KLHL30: variants seen among roughly 807,000 people sequenced by gnomAD.
KLHL30 encodes kelch-like protein 30.
KLHL30 carries 55 observed loss-of-function variants against 55.0 expected under a neutral mutation model. The observed-to-expected ratio is 1.00, with a 90% CI of 0.80 to 1.25. KLHL30 has a LOEUF of 1.25. KLHL30 is among the 50% of genes most tolerant of loss of function. The pLI is 0.00. For missense variants in KLHL30, 786 were observed against 811.6 expected, an observed-to-expected ratio of 0.97 and a Z score of 0.38; for synonymous variants, 356 against 372.6, an observed-to-expected ratio of 0.96 and a Z score of 0.51.
chr2:238,147,309 A>C lies in KLHL30; in HGVS notation c.1151-525A>C, dbSNP rs555817151. 2.6e-5 allele frequency among the ~76,000 whole-genome samples: 4 copies of C among 152,094 alleles called. No homozygotes were observed. In the South Asian group the frequency reaches 8.3e-4, roughly 32 times the overall value. ...CCCAACCAGAGAGCAGAAAGCACCC[A>C]GGGCTCCCGAGCCCAGGGCTTGTGA... On this transcript the variant is annotated intron_variant, in intron 5 of 7. Transcript: ENST00000409223. This position sits in a 1 kb window ranked among gnomAD's most constrained non-coding sequence, Gnocchi z 5.8.
rs191896468 is a variant in KLHL30, at chr2:238,143,864, G to A, written c.907+933G>A. ...ACAGAGCCATGAGTCATGGGGACAC[G>A]GTGCCTGCCCACAGTGCCAGGCTCT... is the stretch of plus-strand genomic sequence containing the variant. On this transcript the variant is annotated intron_variant, in intron 3 of 7. Coordinates refer to ENST00000409223, the MANE Select transcript of KLHL30 (RefSeq NM_198582.4). Among the ~76,000 whole-genome samples the A allele has an allele frequency of 3.5e-3, 533 of 152,336 alleles. 7 individuals are homozygous for A. Among genetic ancestry groups the A allele is most frequent in the Middle Eastern group, 0.01 (3 of 294 alleles).
chr2:238,141,501 G>A lies in KLHL30; in HGVS notation c.747G>A (p.Arg249=), dbSNP rs73102336. ...EPLIQESEAC[R]AALSQGHDGA... is the part of the protein sequence containing the mutation. Reference sequence around the variant, plus strand: ...TGATCCAGGAGTCAGAGGCATGCCGGGCAGCCCTGTCCCAGGGCCATGATG... The same window carrying A: ...TGATCCAGGAGTCAGAGGCATGCCGAGCAGCCCTGTCCCAGGGCCATGATG... The change falls in exon 2 of 8, where the codon CGG becomes CGA. Residue 249 remains arginine, a synonymous_variant. Coordinates refer to ENST00000409223, the MANE Select transcript of KLHL30 (RefSeq NM_198582.4). 0.089 allele frequency: 130,367 copies of A among 1,469,524 alleles called. 6,270 individuals carry two copies. Among genetic ancestry groups the A allele is most frequent in the South Asian group, 0.13 (9,513 of 72,444 alleles). 91.0% of individuals were successfully genotyped at this position (1,469,524 alleles called of 1,614,324 possible). A position where few individuals can be genotyped will look rare whatever the true frequency, so the allele number is the denominator to read the frequency against.
At chr2:238,140,523 TG>T (rs1309547936) in intron 1 of KLHL30, among the ~76,000 whole-genome samples, 161 bp from the exon 2 acceptor site, 1 of 152,090 alleles carries the variant, frequency 6.6e-6, no homozygotes, top group Non-Finnish European at 1.5e-5. Context: ...TGCAGGGTTC[TG>T]GGGGTGGCTT....
Position 238,151,767 on chromosome 2 carries a change from G to A in KLHL30, c.*702G>A, listed in dbSNP as rs11884915. The stretch of plus-strand genomic sequence containing the variant: ...GCACCAGGAAGGAGGGAGGCAGGGC[G>A]TGGGGCGGGGCTGGAGGGTCCCAGG... On this transcript the variant is annotated 3_prime_UTR_variant, in exon 8 of 8. Coordinates refer to ENST00000409223, the MANE Select transcript of KLHL30 (RefSeq NM_198582.4). 695 of 503,974 alleles carry A rather than the reference G, an allele frequency of 1.4e-3. 4 individuals carry two copies. Among genetic ancestry groups the A allele is most frequent in the African/African-American group, 0.014 (654 of 47,926 alleles). The allele number at this position is 503,974 out of a possible 1,614,324, so 31.2% of individuals were successfully genotyped here. A position where few individuals can be genotyped will look rare whatever the true frequency, so the allele number is the denominator to read the frequency against.
At chr2:238,148,052 G>A in intron 6 of KLHL30, 30 bp downstream of exon 6, 4 of 1,366,712 alleles carry the variant, frequency 2.9e-6, no homozygotes, top group Non-Finnish European at 3.8e-6. Flanking sequence ...CGAGGATAGA[G>A]GACCACAGGC....
In KLHL30 at chr2:238,151,727, G is replaced by A. The variant is rs998695389; in HGVS notation, c.*662G>A. ...CCCACCCATCTCTTGCACCCAGAGG[G>A]CGGTGCCCACAGAGGCACCAGGAAG... On this transcript the variant is annotated 3_prime_UTR_variant, in exon 8 of 8. Transcript: ENST00000409223. 3.7e-5 allele frequency: 8 copies of A among 218,174 alleles called. No individual in the cohort carries two copies. Among genetic ancestry groups the A allele is most frequent in the Non-Finnish European group, 4.7e-5 (6 of 128,250 alleles). 13.5% of individuals were successfully genotyped at this position (218,174 alleles called of 1,614,324 possible). A position where few individuals can be genotyped will look rare whatever the true frequency, so the allele number is the denominator to read the frequency against.
At chr2:238,141,691 A>G (rs763230856) in intron 2 of KLHL30, among the ~76,000 whole-genome samples, 163 bp downstream of exon 2, 1 of 152,250 alleles carries the variant, frequency 6.6e-6, no homozygotes, top group Non-Finnish European at 1.5e-5. Context: ...ATCACTATTC[A>G]GCCCTCAAGT....
In KLHL30 at chr2:238,142,934, G is replaced by A. The variant is rs76664545; in HGVS notation, c.907+3G>A. On this transcript the variant is annotated splice_donor_region_variant and intron_variant, in intron 3 of 7. Transcript: ENST00000409223. ...TGCCTTCTACAACAGCAAGGCCAGT[G>A]AGTACCCCTCCCGCGTCCAGACCCA... 104,529 of 1,506,368 alleles carry A rather than the reference G, an allele frequency of 0.069. 4,505 individuals are homozygous for A. The highest frequency in any genetic ancestry group is 0.19 in the African/African-American group (13,168 of 67,930). 93.3% of individuals were successfully genotyped at this position (1,506,368 alleles called of 1,614,324 possible). A position where few individuals can be genotyped will look rare whatever the true frequency, so the allele number is the denominator to read the frequency against.
Position 238,147,871 on chromosome 2 carries a change from C to T in KLHL30, c.1188C>T (p.Asp396=), listed in dbSNP as rs765060752. 2.8e-5 allele frequency: 45 copies of T among 1,590,880 alleles called. No individual in the cohort carries two copies. The African/African-American group carries it at 5.9e-4, about 21-fold the overall frequency. ...ACGTGGTGGAGGTGGAGAGCTATGACCCCTACACGGACAGCTGGACGCCCG... is the reference window on the plus strand; with the variant it reads ...ACGTGGTGGAGGTGGAGAGCTATGATCCCTACACGGACAGCTGGACGCCCG... ...TLDVVEVESY[D]PYTDSWTPVS... The change falls in exon 6 of 8, where the codon GAC becomes GAT. Residue 396 remains aspartate, a synonymous_variant. Transcript: ENST00000409223. The surrounding 1 kb of genome is among the most constrained non-coding windows in gnomAD (Gnocchi z 5.8).
rs1435645097 is a variant in KLHL30, at chr2:238,152,058, G to A, written c.*993G>A. 2 of 985,388 alleles carry A rather than the reference G, an allele frequency of 2.0e-6. No homozygotes were observed. The highest frequency in any genetic ancestry group is 1.1e-4 in the East Asian group (1 of 8,816). 61.0% of individuals were successfully genotyped at this position (985,388 alleles called of 1,614,324 possible). On this transcript the variant is annotated 3_prime_UTR_variant, in exon 8 of 8. Transcript: ENST00000409223. ...GGAGACAATGAAGGACTCTCCCTGG[G>A]TGCCCAATGGCGTGTCCCTCCTGTC...
Position 238,150,822 on chromosome 2 carries a change from A to G in KLHL30, c.1494A>G (p.Ser498=). The change falls in exon 8 of 8, where the codon TCA becomes TCG. Residue 498 remains serine (S), a synonymous_variant. Coordinates refer to ENST00000409223, the MANE Select transcript of KLHL30 (RefSeq NM_198582.4). ...CCGCTGACCGTGCACAGGTGCAGTC[A>G]CAGCACAGCCTGCATGAGAATGGCG... ...PGANLWQKVQ[S]QHSLHENGAL... The G allele has an allele frequency of 6.3e-7, 1 of 1,584,498 alleles. No homozygotes were observed. The highest frequency in any genetic ancestry group is 8.6e-7 in the Non-Finnish European group (1 of 1,167,148).
At chr2:238,145,952 A>C (rs2106313108) in intron 5 of KLHL30, 120 bp downstream of exon 5, 1 of 1,194,398 alleles carries the variant, frequency 8.4e-7, no homozygotes. Flanking sequence ...TCCCACTGCC[A>C]CCCTCAGGGC....
In KLHL30 at chr2:238,140,935, A is replaced by T; in HGVS notation, c.181A>T (p.Met61Leu). ...LALSSPYFHA[M>L]FAGDFAESFS... ...GCTCAGCAGCCCCTACTTCCATGCC[A>T]TGTTTGCGGGTGACTTCGCCGAGAG... The change falls in exon 2 of 8, where the codon ATG becomes TTG. Residue 61 changes from methionine to leucine, a missense_variant. By Grantham distance (15) the Met-to-Leu change is conservative (BLOSUM62 2). Transcript: ENST00000409223. The T allele has an allele frequency of 1.9e-6, 3 of 1,611,216 alleles. No individual in the cohort carries two copies. Among genetic ancestry groups the T allele is most frequent in the Non-Finnish European group, 2.5e-6 (3 of 1,178,730 alleles).
chr2:238,150,680 G>A (rs527988616), intron 7 of KLHL30, 134 bp from the exon 8 acceptor site: 60 of 1,020,296 alleles, frequency 5.9e-5, no homozygotes, highest in Admixed American at 3.2e-4. Flanking sequence ...GGGACTCTGC[G>A]CTCATGCCCT....
At chr2:238,145,607 T>G in intron 4 of KLHL30, 70 bp from the exon 5 acceptor site, 1 of 1,516,408 alleles carries the variant, frequency 6.6e-7, no homozygotes, top group Non-Finnish European at 8.9e-7. Context: ...CCCTGGACAT[T>G]GGTATCCACA....
chr2:238,140,687 G>A lies in KLHL30; in HGVS notation c.-68G>A. On this transcript the variant is annotated splice_region_variant and 5_prime_UTR_variant, in exon 2 of 8. Transcript: ENST00000409223. Reference sequence around the variant, plus strand: ...GACCCTGCTCTCTTCTCTCCTAGGAGCTCGGGCGGCTCCAGGCACTTCTTC... The same window carrying A: ...GACCCTGCTCTCTTCTCTCCTAGGAACTCGGGCGGCTCCAGGCACTTCTTC... The A allele has an allele frequency of 6.9e-7, 1 of 1,441,074 alleles. No individual in the cohort carries two copies. Among genetic ancestry groups the A allele is most frequent in the Non-Finnish European group, 9.2e-7 (1 of 1,087,230 alleles). The allele number at this position is 1,441,074 out of a possible 1,614,324, so 89.3% of individuals were successfully genotyped here.
At chr2:238,144,755 C>A in intron 3 of KLHL30, 147 bp from the exon 4 acceptor site, 1 of 671,994 alleles carries the variant, frequency 1.5e-6, no homozygotes, top group Non-Finnish European at 2.7e-6. Flanking sequence ...GCCCCCGTAC[C>A]AGTGTCACCC....
chr2:238,147,879 C>G lies in KLHL30; in HGVS notation c.1196C>G (p.Thr399Arg). 1 of 1,594,944 alleles carries G rather than the reference C, an allele frequency of 6.3e-7. No individual in the cohort carries two copies. Among genetic ancestry groups the G allele is most frequent in the Admixed American group, 1.7e-5 (1 of 58,174 alleles). The change falls in exon 6 of 8, where the codon ACG (threonine) becomes AGG (arginine). Residue 399 changes from threonine (T) to arginine (R), a missense_variant. Physicochemically the swap from Thr to Arg is moderately conservative, Grantham distance 71. Transcript: ENST00000409223. This position sits in a 1 kb window ranked among gnomAD's most constrained non-coding sequence, Gnocchi z 5.8. ...VVEVESYDPY[T>R]DSWTPVSPAL... is the part of the protein sequence containing the mutation. Reference sequence around the variant, plus strand: ...GAGGTGGAGAGCTATGACCCCTACACGGACAGCTGGACGCCCGTCAGCCCG... The same window carrying G: ...GAGGTGGAGAGCTATGACCCCTACAGGGACAGCTGGACGCCCGTCAGCCCG...
intron 3 of KLHL30, among the ~76,000 whole-genome samples, chr2:238,143,862 A>G (rs1332652014): frequency 6.6e-6 from 1 of 152,222 alleles, no homozygotes; most frequent in East Asian, 1.9e-4. Context: ...TCATGGGGAC[A>G]CGGTGCCTGC....
Sources: gnomAD v4.1 joint callset for allele counts (sites outside exome capture counted in the v4.1 genomes callset) on GRCh38, gnomAD v4.1.1 for gene constraint, Gnocchi (gnomAD v3.1) non-coding constraint, MANE v1.5 for transcripts, NCBI Gene and HGNC (gene_info 2026-07-23, HGNC 2026-07-21) for gene names.